Variants in ANKRD11 observed in about 807,000 individuals in gnomAD.
ANKRD11 encodes ankyrin repeat domain-containing protein 11.
ANKRD11 carries 17 observed loss-of-function variants against 195.7 expected under a neutral mutation model. The ratio of observed to expected loss-of-function variants is 0.09; its 90% CI spans 0.06 to 0.13. ANKRD11 has a LOEUF of 0.13. ANKRD11 is among the 10% of genes least tolerant of loss of function. The pLI, the probability that ANKRD11 is intolerant of heterozygous loss-of-function variation, is 1.00. For missense variants in ANKRD11, 3,735 were observed against 3,566.1 expected (o/e 1.05, Z -1.21); for synonymous variants, 1,953 against 1,528.1 (o/e 1.28, Z -6.49).
chr16:89,331,730 C>T (rs2038077623), intron 2 of ANKRD11, among the ~76,000 whole-genome samples: 1 of 152,206 alleles, frequency 6.6e-6, no homozygotes, highest in African/African-American at 2.4e-5. Context: ...AAGGGATCCT[C>T]CTGCCTCAGC....
At chr16:89,397,043 T>G (rs893797749) in intron 2 of ANKRD11, among the ~76,000 whole-genome samples, 3 of 152,098 alleles carry the variant, frequency 2.0e-5, no homozygotes, top group African/African-American at 7.2e-5. Context: ...TTTTAAAGAA[T>G]GTGCTGCTTA....
intron 2 of ANKRD11, among the ~76,000 whole-genome samples, chr16:89,321,950 C>G (rs543950819): frequency 1.8e-4 from 28 of 152,310 alleles, no homozygotes; most frequent in African/African-American, 6.3e-4. Flanking sequence ...CTGCGCGAGG[C>G]TTAAGTCTAT....
intron 2 of ANKRD11, among the ~76,000 whole-genome samples, chr16:89,395,217 A>G (rs571173104): frequency 1.3e-5 from 2 of 152,370 alleles, no homozygotes; most frequent in East Asian, 3.9e-4. Flanking sequence ...GCGTCTTAAC[A>G]GAAAGAATTA....
At chr16:89,330,203 C>T (rs2037974311) in intron 2 of ANKRD11, among the ~76,000 whole-genome samples, 1 of 152,070 alleles carries the variant, frequency 6.6e-6, no homozygotes, top group African/African-American at 2.4e-5. Flanking sequence ...GGAAGCAATA[C>T]ACTTAGCTGT....
intron 1 of ANKRD11, among the ~76,000 whole-genome samples, chr16:89,474,237 C>T (rs1212901096): frequency 6.6e-6 from 1 of 152,086 alleles, no homozygotes; most frequent in East Asian, 1.9e-4. Flanking sequence ...GCAGAGGATC[C>T]CACTAAGCTG....
intron 4 of ANKRD11, chr16:89,298,854 C>T (rs2035625033): frequency 6.6e-6 from 1 of 152,214 alleles, no homozygotes; most frequent in Non-Finnish European, 1.5e-5. Flanking sequence ...GGACCAGAGA[C>T]CAATCACGCG....
intron 9 of ANKRD11, among the ~76,000 whole-genome samples, chr16:89,275,444 G>A (rs758302647): frequency 6.6e-5 from 10 of 152,202 alleles, no homozygotes; most frequent in African/African-American, 1.2e-4. Flanking sequence ...AGGGAGAGGC[G>A]CGGGACAGTA....
Position 89,268,740 on chromosome 16 carries a change from G to A in ANKRD11, c.7807-77C>T, listed in dbSNP as rs1036686419. 25 of 1,510,676 alleles carry A rather than the reference G, an allele frequency of 1.7e-5. No homozygotes were observed. In the African/African-American group the frequency reaches 2.9e-4, roughly 18 times the overall value. 93.6% of individuals were successfully genotyped at this position (1,510,676 alleles called of 1,614,324 possible). On this transcript the variant is annotated intron_variant, in intron 12 of 12. Transcript: ENST00000301030. ...CAGACTCTGCCGACCTCAGCTGCCA[G>A]CAGGGCCAAGGGCGTGATACGGCCG...
intron 9 of ANKRD11, among the ~76,000 whole-genome samples, chr16:89,277,180 A>G (rs563744453): frequency 6.6e-6 from 1 of 152,230 alleles, no homozygotes; most frequent in South Asian, 2.1e-4. Context: ...TTCTGCTGAG[A>G]TGGGGCCCGT....
At chr16:89,441,160 T>C (rs995308888) in intron 1 of ANKRD11, among the ~76,000 whole-genome samples, 1 of 150,022 alleles carries the variant, frequency 6.7e-6, no homozygotes, top group Admixed American at 6.6e-5. Flanking sequence ...GGCGTGAACC[T>C]GAGAGGCAGA....
chr16:89,444,502 T>C (rs758052647), intron 1 of ANKRD11, among the ~76,000 whole-genome samples: 5 of 152,104 alleles, frequency 3.3e-5, no homozygotes, highest in Non-Finnish European at 7.4e-5. Context: ...GGGTTTGCCA[T>C]CAGCGTTACC....
chr16:89,375,504 G>A (rs999117213), intron 2 of ANKRD11, among the ~76,000 whole-genome samples: 5 of 151,908 alleles, frequency 3.3e-5, no homozygotes, highest in African/African-American at 1.2e-4. Context: ...TTGTCGCCCG[G>A]GCTGGAGTGC....
rs1567555349 is a variant in ANKRD11 at position 89,279,823 on chromosome 16, T to A, written c.6719A>T (p.Glu2240Val). The stretch of plus-strand genomic sequence containing the variant: ...CTGTTCTGGGGGAACGGGCGCGGGC[T>A]CCACGCTGGAGTCCGGATCCCCACG... ...RARGDPDSSV[E>V]PAPVPPEQRP... The change falls in exon 9 of 13, where the codon GAG becomes GTG. Residue 2240 changes from glutamate to valine, a missense_variant. Physicochemically the swap from Glu to Val is moderately radical, Grantham distance 121. Coordinates refer to ENST00000301030, the MANE Select transcript of ANKRD11 (RefSeq NM_013275.6). This position sits in a 1 kb window ranked among gnomAD's most constrained non-coding sequence, Gnocchi z 5.6. The A allele has an allele frequency of 5.2e-6, 8 of 1,545,030 alleles. No homozygotes were observed. The highest frequency in any genetic ancestry group is 5.2e-6 in the Non-Finnish European group (6 of 1,147,726).
intron 1 of ANKRD11, among the ~76,000 whole-genome samples, chr16:89,489,667 C>G (rs867100451): frequency 6.6e-6 from 1 of 151,886 alleles, no homozygotes; most frequent in Non-Finnish European, 1.5e-5. Flanking sequence ...CCGCAGAACC[C>G]GGCGCCCGGC....
At chr16:89,391,572 G>C (rs77422718) in intron 2 of ANKRD11, among the ~76,000 whole-genome samples, 4,552 of 152,232 alleles carry the variant, frequency 0.03, 238 homozygotes, top group African/African-American at 0.1. Context: ...AAAAATCTGA[G>C]TTTTCCCCCT....
rs772608737 is a variant in ANKRD11, at chr16:89,285,048, G to A, written c.1494C>T (p.Ser498=). 6.0e-5 allele frequency: 97 copies of A among 1,613,826 alleles called. No homozygotes were observed. Among genetic ancestry groups the A allele is most frequent in the Non-Finnish European group, 7.4e-5 (87 of 1,180,036 alleles). The change falls in exon 9 of 13, where the codon AGC becomes AGT. Residue 498 remains serine (S), a synonymous_variant. Coordinates refer to ENST00000301030, the MANE Select transcript of ANKRD11 (RefSeq NM_013275.6). The surrounding 1 kb of genome is among the most constrained non-coding windows in gnomAD (Gnocchi z 5.6). ...GCGGGGACCCCTTGAGGCAGCCAGA[G>A]CTCCCCAGAGAGTCCCTGTCATCCT... ...SGEDDRDSLG[S]SGCLKGSPLV... is the part of the protein sequence containing the mutation.
chr16:89,314,739 C>G (rs1472577192), intron 3 of ANKRD11, among the ~76,000 whole-genome samples: 2 of 152,194 alleles, frequency 1.3e-5, no homozygotes, highest in African/African-American at 4.8e-5. Flanking sequence ...GCACAGAGAA[C>G]AGGAGTGACA....
At chr16:89,438,941 G>A (rs931357669) in intron 1 of ANKRD11, among the ~76,000 whole-genome samples, 19 of 151,786 alleles carry the variant, frequency 1.3e-4, no homozygotes, top group African/African-American at 3.4e-4. Flanking sequence ...CAATGAGTTC[G>A]TGATCATACC....
intron 1 of ANKRD11, among the ~76,000 whole-genome samples, chr16:89,477,695 G>A (rs904332834): frequency 1.5e-4 from 23 of 151,718 alleles, no homozygotes; most frequent in Admixed American, 9.2e-4. Context: ...TGGAGAGGCC[G>A]GGCGCGGTGG....
Sources: allele counts gnomAD v4.1 joint callset (sites outside exome capture counted in the v4.1 genomes callset), GRCh38; gene constraint gnomAD v4.1.1; non-coding constraint Gnocchi (gnomAD v3.1); transcripts MANE v1.5; gene names NCBI Gene and HGNC (gene_info 2026-07-23, HGNC 2026-07-21).